The following IL22RA2 variants were observed in gnomAD, a reference collection of about 807,000 sequenced individuals.
IL22RA2 encodes the protein interleukin 22 receptor subunit alpha 2.
In IL22RA2, 39 loss-of-function variants were observed where a neutral mutation model predicts 30.7. The observed-to-expected ratio is 1.27, with a 90% CI of 0.98 to 1.66. IL22RA2 has a LOEUF of 1.66. Among genes scored for constraint, IL22RA2 ranks in the 40% most tolerant of loss-of-function variants. IL22RA2 has a pLI of 0.00. For missense variants in IL22RA2, 315 were observed against 312.7 expected, an observed-to-expected ratio of 1.01 and a Z score of -0.05; for synonymous variants, 103 against 105.0, an observed-to-expected ratio of 0.98 and a Z score of 0.11.
chr6:137,156,788 AC>A lies in IL22RA2; in HGVS notation c.263del (p.Cys88LeufsTer48). ...KPSGCWQHIS[C>X]NFPGCRTLAK... ...CCAATGTTCTGCAGCCTGGGAAGTT[AC>A]AAGAAATGTGCTGCCAGCATCCACT... On this transcript the variant is annotated frameshift_variant, in exon 4 of 7. Transcript: ENST00000296980. LOFTEE classifies it high-confidence loss of function. 6.2e-7 allele frequency: 1 copy of A among 1,613,942 alleles called. No individual in the cohort carries two copies. Among genetic ancestry groups the A allele is most frequent in the South Asian group, 1.1e-5 (1 of 91,078 alleles).
intron 6 of IL22RA2, among the ~76,000 whole-genome samples, chr6:137,146,090 G>T (rs1262646039): frequency 6.6e-6 from 1 of 152,148 alleles, no homozygotes; most frequent in East Asian, 1.9e-4. Flanking sequence ...GGAGTGCAGT[G>T]TCACCATCTC....
At position 137,147,721 on chromosome 6, in the gene IL22RA2, C is replaced by T; in HGVS notation, c.642+1G>A. 1.3e-6 allele frequency: 2 copies of T among 1,529,324 alleles called. No homozygotes were observed. Among genetic ancestry groups the T allele is most frequent in the Non-Finnish European group, 1.8e-6 (2 of 1,120,118 alleles). The allele number at this position is 1,529,324 out of a possible 1,614,324, so 94.7% of individuals were successfully genotyped here. A position where few individuals can be genotyped will look rare whatever the true frequency, so the allele number is the denominator to read the frequency against. On this transcript the variant is annotated splice_donor_variant, in intron 6 of 6. Coordinates refer to ENST00000296980, the MANE Select transcript of IL22RA2 (RefSeq NM_052962.3). LOFTEE classifies it high-confidence loss of function. ...AAATATATCTATTCATCTGAACTTACCTTTTCTAGTGAATTGTTAATTATA... is the reference window on the plus strand; with the variant it reads ...AAATATATCTATTCATCTGAACTTATCTTTTCTAGTGAATTGTTAATTATA...
chr6:137,170,948 A>G (rs988008545), intron 1 of IL22RA2, among the ~76,000 whole-genome samples: 5 of 152,234 alleles, frequency 3.3e-5, no homozygotes, highest in Non-Finnish European at 5.9e-5. Flanking sequence ...TCTAAAAATG[A>G]AGTTGCTTCA....
chr6:137,146,536 T>C (rs966710629), intron 6 of IL22RA2, among the ~76,000 whole-genome samples: 7 of 152,184 alleles, frequency 4.6e-5, no homozygotes, highest in Admixed American at 3.9e-4. Context: ...TGAGATTGCT[T>C]GCCTATCTCC....
At chr6:137,168,035 C>T (rs1443437300) in intron 1 of IL22RA2, among the ~76,000 whole-genome samples, 1 of 152,058 alleles carries the variant, frequency 6.6e-6, no homozygotes, top group Non-Finnish European at 1.5e-5. Context: ...AGCTTGTTGC[C>T]CAGAAAGGTG....
At chr6:137,158,186 A>C (rs1427215668) in intron 3 of IL22RA2, among the ~76,000 whole-genome samples, 161 bp downstream of exon 3, 1 of 152,148 alleles carries the variant, frequency 6.6e-6, no homozygotes, top group African/African-American at 2.4e-5. Context: ...TTGAGTCCCC[A>C]GGCAGCCTTC....
At chr6:137,156,559 C>G (rs911731083) in intron 4 of IL22RA2, among the ~76,000 whole-genome samples, 200 bp downstream of exon 4, 3 of 152,124 alleles carry the variant, frequency 2.0e-5, no homozygotes, top group African/African-American at 7.2e-5. Context: ...AGGGATATAA[C>G]AGTATTATAG....
chr6:137,149,449 A>G (rs574602558), intron 5 of IL22RA2, among the ~76,000 whole-genome samples: 2 of 152,342 alleles, frequency 1.3e-5, no homozygotes, highest in South Asian at 4.1e-4. Context: ...TCATCTAATT[A>G]TGCATGCAAG....
At chr6:137,146,747 G>T (rs1778187975) in intron 6 of IL22RA2, among the ~76,000 whole-genome samples, 1 of 152,166 alleles carries the variant, frequency 6.6e-6, no homozygotes, top group African/African-American at 2.4e-5. Context: ...AATGCCAGCA[G>T]TTTGGGAGGC....
At chr6:137,158,260 A>G in intron 3 of IL22RA2, 87 bp downstream of exon 3, 1 of 1,515,610 alleles carries the variant, frequency 6.6e-7, no homozygotes, top group Admixed American at 1.8e-5. Flanking sequence ...AACTGAAAAA[A>G]AGCTCGGATC....
At chr6:137,167,595 C>T (rs1376572333) in intron 1 of IL22RA2, among the ~76,000 whole-genome samples, 2 of 152,168 alleles carry the variant, frequency 1.3e-5, no homozygotes, top group African/African-American at 4.8e-5. Flanking sequence ...CACTTTAGGG[C>T]CTTTATGGGA....
intron 4 of IL22RA2, among the ~76,000 whole-genome samples, chr6:137,156,233 C>A (rs970468634): frequency 6.6e-6 from 1 of 152,018 alleles, no homozygotes; most frequent in African/African-American, 2.4e-5. Context: ...TAAATCAGAC[C>A]AATGTAACAA....
At chr6:137,158,211 A>T in intron 3 of IL22RA2, 136 bp downstream of exon 3, 1 of 985,322 alleles carries the variant, frequency 1.0e-6, no homozygotes, top group African/African-American at 1.6e-5. Context: ...GAGACAAGTC[A>T]CTGTTATCCT....
intron 1 of IL22RA2, among the ~76,000 whole-genome samples, chr6:137,164,836 C>G (rs187136293): frequency 6.6e-6 from 1 of 152,294 alleles, no homozygotes; most frequent in East Asian, 1.9e-4. Flanking sequence ...TTTTATCAGC[C>G]CTTCTCTACT....
chr6:137,147,205 A>T (rs1227349011), intron 6 of IL22RA2, among the ~76,000 whole-genome samples: 3 of 148,882 alleles, frequency 2.0e-5, no homozygotes, highest in East Asian at 2.0e-4. Flanking sequence ...AAAAAAAAAA[A>T]AAAAAAAAAA....
At chr6:137,147,337 G>A (rs946455079) in intron 6 of IL22RA2, among the ~76,000 whole-genome samples, 4 of 151,062 alleles carry the variant, frequency 2.6e-5, no homozygotes, top group Non-Finnish European at 5.9e-5. Flanking sequence ...TCCAGCCTGG[G>A]TGACAGAGTG....
intron 5 of IL22RA2, among the ~76,000 whole-genome samples, chr6:137,152,529 G>T (rs1446226442): frequency 2.0e-5 from 3 of 152,188 alleles, no homozygotes; most frequent in Admixed American, 2.0e-4. Flanking sequence ...AAGATTAGTA[G>T]TTGCCGGGGC....
chr6:137,167,700 GCCACCA>G (rs930594064), intron 1 of IL22RA2, among the ~76,000 whole-genome samples: 1 of 152,136 alleles, frequency 6.6e-6, no homozygotes, highest in Non-Finnish European at 1.5e-5. Context: ...ACCAGAAGCA[GCCACCA>G]CCCAGGACCA....
intron 1 of IL22RA2, among the ~76,000 whole-genome samples, chr6:137,163,024 C>T (rs1370517610): frequency 1.3e-5 from 2 of 152,218 alleles, no homozygotes; most frequent in East Asian, 3.8e-4. Context: ...TGTCTTCTCT[C>T]TGTGGACAGT....
Sources: gnomAD v4.1 joint callset for allele counts (sites outside exome capture counted in the v4.1 genomes callset) on GRCh38, gnomAD v4.1.1 for gene constraint, MANE v1.5 for transcripts, NCBI Gene and HGNC (gene_info 2026-07-23, HGNC 2026-07-21) for gene names.